The following RRP12 variants were observed in gnomAD, a reference collection of about 807,000 sequenced individuals.
RRP12 encodes the protein ribosomal RNA processing 12 homolog, also known as RRP12-like protein.
In RRP12, 78 loss-of-function variants were observed where a neutral mutation model predicts 157.3. The ratio of observed to expected loss-of-function variants is 0.50; its 90% CI spans 0.41 to 0.60. RRP12 has a LOEUF of 0.60. Ranked by LOEUF, RRP12 falls within the 20% of genes least tolerant of loss-of-function variation. The probability of loss-of-function intolerance (pLI) is 0.00; values close to 1 mark genes in which losing one functional copy is unlikely to be tolerated. For synonymous variants in RRP12, 726 were observed against 670.9 expected, an observed-to-expected ratio of 1.08 and a Z score of -1.27; for missense variants, 1,521 against 1,679.9, an observed-to-expected ratio of 0.91 and a Z score of 1.65.
At chr10:97,363,806 C>T in intron 30 of RRP12, 48 bp downstream of exon 30, 2 of 1,537,478 alleles carry the variant, frequency 1.3e-6, no homozygotes, top group Non-Finnish European at 1.8e-6. Context: ...CTGTGGAGCC[C>T]AGGCTTAGGT....
chr10:97,389,501 G>A (rs754017525), intron 6 of RRP12, among the ~76,000 whole-genome samples: 6 of 152,104 alleles, frequency 3.9e-5, no homozygotes, highest in African/African-American at 1.4e-4. Context: ...CCGAGGGAAG[G>A]GGGCATGAGA....
chr10:97,395,207 T>TATACACATACAC, intron 3 of RRP12, among the ~76,000 whole-genome samples: 1 of 149,972 alleles, frequency 6.7e-6, no homozygotes, highest in South Asian at 2.1e-4. Context: ...TATACACATA[T>TATACACATACAC]ACACACACAC....
At chr10:97,380,595 G>C (rs954815199) in intron 13 of RRP12, among the ~76,000 whole-genome samples, 2 of 152,180 alleles carry the variant, frequency 1.3e-5, no homozygotes, top group Non-Finnish European at 2.9e-5. Context: ...GTGAGCAGGT[G>C]GGGGGACTGC....
chr10:97,391,393 G>C (rs1188086624), intron 4 of RRP12, among the ~76,000 whole-genome samples: 1 of 151,670 alleles, frequency 6.6e-6, no homozygotes, highest in African/African-American at 2.4e-5. Flanking sequence ...CAAACATGGA[G>C]AAACCCTGTA....
chr10:97,359,580 G>A (rs933212353), intron 31 of RRP12, among the ~76,000 whole-genome samples: 4 of 152,172 alleles, frequency 2.6e-5, no homozygotes, highest in Non-Finnish European at 5.9e-5. Context: ...AACATTCAAC[G>A]ACAAGTTGTG....
intron 15 of RRP12, among the ~76,000 whole-genome samples, chr10:97,377,051 T>C (rs1483143037): frequency 6.6e-6 from 1 of 151,944 alleles, no homozygotes; most frequent in Non-Finnish European, 1.5e-5. Context: ...GGCTAATTTT[T>C]GTACTTTTAG....
At chr10:97,375,733 A>G (rs1168613292) in intron 15 of RRP12, among the ~76,000 whole-genome samples, 1 of 152,130 alleles carries the variant, frequency 6.6e-6, no homozygotes, top group South Asian at 2.1e-4. Context: ...TTCCTTTTTA[A>G]TATCAGGAAA....
rs774982279 is a variant in RRP12 at position 97,357,132 on chromosome 10, C to T, written c.3856G>A (p.Val1286Met). 1.2e-6 allele frequency: 2 copies of T among 1,613,548 alleles called. No individual in the cohort carries two copies. Among genetic ancestry groups the T allele is most frequent in the African/African-American group, 1.3e-5 (1 of 75,024 alleles). Residue 1286 changes from valine (V) to methionine (M), a missense_variant, in exon 34 of 34, where the codon GTG becomes ATG. Physicochemically the swap from Val to Met is conservative, Grantham distance 21. Coordinates refer to ENST00000370992, the MANE Select transcript of RRP12 (RefSeq NM_015179.4). ...TCCTTTCTGCGGTTTTTGTGTCCCA[C>T]CTGGGAACCTCGCCGGGCAGCCTTC... is the stretch of plus-strand genomic sequence containing the variant. ...LVKAARRGSQVGHKNRRKDRR... is the reference protein window; with the variant it reads ...LVKAARRGSQMGHKNRRKDRR...
At chr10:97,381,937 T>C (rs565857461) in intron 10 of RRP12, 111 bp from the exon 11 acceptor site, 1 of 709,712 alleles carries the variant, frequency 1.4e-6, no homozygotes, top group South Asian at 1.8e-5. Context: ...AACCCAGTGA[T>C]CTGCAGGGCT....
At chr10:97,361,411 G>A (rs1002400562) in intron 30 of RRP12, among the ~76,000 whole-genome samples, 2 of 152,214 alleles carry the variant, frequency 1.3e-5, no homozygotes, top group African/African-American at 2.4e-5. Flanking sequence ...GGCCCCAGCT[G>A]GCAAGGCTGG....
intron 2 of RRP12, 151 bp from the exon 3 acceptor site, chr10:97,396,452 G>C (rs1844968353): frequency 1.6e-6 from 1 of 634,414 alleles, no homozygotes; most frequent in Non-Finnish European, 2.9e-6. Context: ...CCATACCAGG[G>C]GGCCCAGCAA....
chr10:97,383,512 C>T (rs1359822463), intron 10 of RRP12, among the ~76,000 whole-genome samples: 6 of 152,170 alleles, frequency 3.9e-5, no homozygotes, highest in African/African-American at 1.2e-4. Context: ...GAGGGCAGGC[C>T]GTTGGAACCC....
At chr10:97,367,242 G>A in intron 25 of RRP12, 110 bp from the exon 26 acceptor site, 2 of 908,944 alleles carry the variant, frequency 2.2e-6, no homozygotes, top group Non-Finnish European at 3.4e-6. Flanking sequence ...TGAGGGGAGG[G>A]TTAGCGCGGC....
At position 97,370,480 on chromosome 10, in the gene RRP12, G is replaced by C. The variant is rs1331137622; in HGVS notation, c.2664C>G (p.Phe888Leu). 6.2e-7 allele frequency: 1 copy of C among 1,608,804 alleles called. No homozygotes were observed. The highest frequency in any genetic ancestry group is 8.5e-7 in the Non-Finnish European group (1 of 1,177,710). ...FALLVEMGHA[F>L]LRFGSNQEEA... ...CTTCCTGGTTCGAGCCAAACCTTAG[G>C]AAAGCATGGCCCATCTCCACGAGCA... Residue 888 changes from phenylalanine (F) to leucine (L), a missense_variant, in exon 23 of 34, where the codon TTC becomes TTG. Coordinates refer to ENST00000370992, the MANE Select transcript of RRP12 (RefSeq NM_015179.4).
chr10:97,363,778 T>A, intron 30 of RRP12, 76 bp downstream of exon 30: 1 of 1,280,150 alleles, frequency 7.8e-7, no homozygotes, highest in Non-Finnish European at 1.1e-6. Flanking sequence ...AATGTCTACG[T>A]GTGGTGGGGG....
intron 8 of RRP12, among the ~76,000 whole-genome samples, chr10:97,386,717 G>A (rs1034181781): frequency 6.6e-6 from 1 of 152,172 alleles, no homozygotes; most frequent in African/African-American, 2.4e-5. Flanking sequence ...AAGGCCGGGT[G>A]CAGAGGCTCA....
At chr10:97,361,995 T>A (rs1843855118) in intron 30 of RRP12, among the ~76,000 whole-genome samples, 1 of 151,006 alleles carries the variant, frequency 6.6e-6, no homozygotes, top group Admixed American at 6.6e-5. Context: ...TAATCCCAGC[T>A]ACTCAGGAGG....
At chr10:97,398,113 G>A (rs1415434879) in intron 2 of RRP12, among the ~76,000 whole-genome samples, 1 of 80,312 alleles carries the variant, frequency 1.2e-5, no homozygotes, top group Non-Finnish European at 2.2e-5. Context: ...GGACTGCAGT[G>A]GCGCAATCTC....
At chr10:97,372,006 C>T (rs2133050042) in intron 20 of RRP12, 67 bp downstream of exon 20, 2 of 1,105,604 alleles carry the variant, frequency 1.8e-6, no homozygotes, top group Non-Finnish European at 1.3e-6. Context: ...GAAGACAGGC[C>T]CCACCTTCCC....
Sources: gnomAD v4.1 joint callset for allele counts (sites outside exome capture counted in the v4.1 genomes callset) on GRCh38, gnomAD v4.1.1 for gene constraint, MANE v1.5 for transcripts, NCBI Gene and HGNC (gene_info 2026-07-23, HGNC 2026-07-21) for gene names.